ROBO2: variants seen among roughly 807,000 people sequenced by gnomAD.
The protein encoded by ROBO2 is roundabout homolog 2.
A neutral mutation model predicts 160.8 loss-of-function variants in ROBO2; 53 were observed. That is an observed-to-expected ratio of 0.33 (90% CI 0.26 to 0.41). ROBO2 has a LOEUF of 0.41. Among genes scored for constraint, ROBO2 ranks in the 10% least tolerant of loss-of-function variants. The pLI is 1.00. For synonymous variants in ROBO2, 664 were observed against 611.7 expected, an observed-to-expected ratio of 1.09 and a Z score of -1.26; for missense variants, 1,577 against 1,722.4, an observed-to-expected ratio of 0.92 and a Z score of 1.49.
chr3:77,160,742 T>A (rs1293502158), intron 2 of ROBO2, among the ~76,000 whole-genome samples: 4 of 152,182 alleles, frequency 2.6e-5, no homozygotes, highest in African/African-American at 9.7e-5. Flanking sequence ...ACCGCTACTT[T>A]AAGATAGATT....
intron 2 of ROBO2, among the ~76,000 whole-genome samples, chr3:77,476,365 GGTATGT>G (rs1001878504): frequency 4.3e-5 from 5 of 117,446 alleles, no homozygotes; most frequent in African/African-American, 1.8e-4. Flanking sequence ...TGTGTCTGTG[GGTATGT>G]GTGTGTGTGT....
intron 4 of ROBO2, among the ~76,000 whole-genome samples, chr3:77,490,307 G>T (rs1278943712): frequency 6.6e-6 from 1 of 151,866 alleles, no homozygotes; most frequent in African/African-American, 2.4e-5. Flanking sequence ...AGCCAGGATG[G>T]TCTCGATTTC....
chr3:77,064,223 A>C (rs1268016034), intron 1 of ROBO2, among the ~76,000 whole-genome samples: 1 of 152,186 alleles, frequency 6.6e-6, no homozygotes, highest in East Asian at 1.9e-4. Context: ...AAGAAAGAAA[A>C]GTAAGGTGTA....
chr3:76,584,935 A>T (rs778092567), intron 2 of ROBO2, among the ~76,000 whole-genome samples: 1 of 152,190 alleles, frequency 6.6e-6, no homozygotes, highest in Non-Finnish European at 1.5e-5. Flanking sequence ...CTCACATTGA[A>T]TCATATGAAT....
At chr3:77,282,365 A>G (rs1307614003) in intron 2 of ROBO2, among the ~76,000 whole-genome samples, 1 of 152,080 alleles carries the variant, frequency 6.6e-6, no homozygotes, top group South Asian at 2.1e-4. Flanking sequence ...AGGCTGTTGT[A>G]TGGTAGCTGA....
chr3:76,181,136 C>T (rs965733993), intron 2 of ROBO2, among the ~76,000 whole-genome samples: 5 of 152,014 alleles, frequency 3.3e-5, no homozygotes, highest in Non-Finnish European at 7.4e-5. Flanking sequence ...TATCTTATAC[C>T]TTTATCTCCT....
At chr3:76,073,331 T>TCACCCAGG (rs550268210) in intron 2 of ROBO2, among the ~76,000 whole-genome samples, 2,393 of 120,096 alleles carry the variant, frequency 0.02, 38 homozygotes, top group East Asian at 0.089. Context: ...TCTCGCTCTG[T>TCACCCAGG]CACCCAGGCT....
intron 2 of ROBO2, among the ~76,000 whole-genome samples, chr3:76,377,210 A>T (rs1308510791): frequency 6.6e-6 from 1 of 152,158 alleles, no homozygotes. Context: ...GTCATAAAAT[A>T]ACTCATGAGA....
At chr3:76,574,076 TTCA>T (rs2085132235) in intron 2 of ROBO2, among the ~76,000 whole-genome samples, 1 of 152,158 alleles carries the variant, frequency 6.6e-6, no homozygotes. Flanking sequence ...TGTTATCTTG[TTCA>T]TCATTTAATA....
intron 2 of ROBO2, among the ~76,000 whole-genome samples, chr3:77,471,421 A>G (rs1042893582): frequency 1.3e-5 from 2 of 152,320 alleles, no homozygotes; most frequent in Non-Finnish European, 2.9e-5. Context: ...AAATTACTAC[A>G]AAATTCAGTG....
intron 2 of ROBO2, among the ~76,000 whole-genome samples, chr3:76,801,228 G>C (rs1392177853): frequency 1.3e-5 from 2 of 152,188 alleles, no homozygotes; most frequent in Admixed American, 6.5e-5. Flanking sequence ...TGCAGATAGA[G>C]AGTAGAGTAG....
intron 2 of ROBO2, among the ~76,000 whole-genome samples, chr3:76,053,913 C>G (rs1175239176): frequency 6.6e-6 from 1 of 151,984 alleles, no homozygotes; most frequent in African/African-American, 2.4e-5. Flanking sequence ...TAAACATTTG[C>G]CTATTTCCCA....
At chr3:76,564,440 CT>C (rs545007244) in intron 2 of ROBO2, among the ~76,000 whole-genome samples, 149 of 151,494 alleles carry the variant, frequency 9.8e-4, no homozygotes, top group African/African-American at 3.5e-3. Flanking sequence ...CACTGCCCAT[CT>C]CTTAGTCTGC....
intron 6 of ROBO2, among the ~76,000 whole-genome samples, chr3:77,523,333 T>A (rs976602372): frequency 6.6e-6 from 1 of 151,352 alleles, no homozygotes; most frequent in Non-Finnish European, 1.5e-5. Context: ...ATGTCAGCAT[T>A]CAAAACAGCA....
intron 2 of ROBO2, among the ~76,000 whole-genome samples, chr3:77,254,873 A>C (rs2090760595): frequency 6.6e-6 from 1 of 152,228 alleles, no homozygotes; most frequent in Admixed American, 6.5e-5. Flanking sequence ...CAGAATAAAA[A>C]CAAGGTCAGA....
At chr3:77,429,035 C>T (rs1277199499) in intron 2 of ROBO2, among the ~76,000 whole-genome samples, 1 of 152,140 alleles carries the variant, frequency 6.6e-6, no homozygotes, top group Non-Finnish European at 1.5e-5. Context: ...ATCAGCTAAA[C>T]AATTACTGTA....
chr3:75,945,011 T>C (rs1183340053), intron 2 of ROBO2, among the ~76,000 whole-genome samples: 1 of 152,166 alleles, frequency 6.6e-6, no homozygotes, highest in Non-Finnish European at 1.5e-5. Context: ...TTTCTCAAAC[T>C]GCACTATAAT....
chr3:77,176,857 A>G (rs2080210498), intron 2 of ROBO2, among the ~76,000 whole-genome samples: 2 of 151,966 alleles, frequency 1.3e-5, no homozygotes, highest in Non-Finnish European at 2.9e-5. Flanking sequence ...TTACAAGTTC[A>G]ATACTGAGAC....
intron 2 of ROBO2, among the ~76,000 whole-genome samples, chr3:75,978,700 A>G (rs1262891703): frequency 6.6e-6 from 1 of 151,606 alleles, no homozygotes; most frequent in Non-Finnish European, 1.5e-5. Flanking sequence ...TGGTAAAGAC[A>G]CATGCAAGTT....
Sources: gnomAD v4.1 joint callset for allele counts (sites outside exome capture counted in the v4.1 genomes callset) on GRCh38, gnomAD v4.1.1 for gene constraint, MANE v1.5 for transcripts, NCBI Gene and HGNC (gene_info 2026-07-23, HGNC 2026-07-21) for gene names.